The following VPS41 variants were observed in gnomAD, a reference collection of about 807,000 sequenced individuals.
The protein encoded by VPS41 is VPS41 subunit of HOPS complex.
In VPS41, 85 loss-of-function variants were observed where a neutral mutation model predicts 130.9. The observed-to-expected ratio is 0.65, with a 90% CI of 0.55 to 0.78. The LOEUF is 0.78. Ranked by LOEUF, VPS41 falls within the 30% of genes least tolerant of loss-of-function variation. The pLI is 0.00. For synonymous variants in VPS41, 335 were observed against 332.9 expected, an observed-to-expected ratio of 1.01 and a Z score of -0.07; for missense variants, 874 against 1,018.7, an observed-to-expected ratio of 0.86 and a Z score of 1.93.
intron 2 of VPS41, among the ~76,000 whole-genome samples, chr7:38,892,586 A>G (rs1224315663): frequency 6.6e-6 from 1 of 152,226 alleles, no homozygotes; most frequent in African/African-American, 2.4e-5. Flanking sequence ...TTAAAAAATA[A>G]AATTCCAGAA....
chr7:38,869,238 C>T lies in VPS41; in HGVS notation c.76G>A (p.Glu26Lys). 3 of 1,611,014 alleles carry T rather than the reference C, an allele frequency of 1.9e-6. No individual in the cohort carries two copies. Among genetic ancestry groups the T allele is most frequent in the Non-Finnish European group, 2.5e-6 (3 of 1,178,366 alleles). ...TDESEEEESE[E>K]EPKLKYERLS... ...CTTTCATACTTCAGCTTGGGTTCCT[C>T]TTCGCTCTCTTCTTCCTGCACAAAC... Residue 26 changes from glutamate to lysine, a missense_variant, in exon 3 of 29, where the codon GAG becomes AAG. Glu to Lys is a moderately conservative substitution (Grantham distance 56, BLOSUM62 1). Coordinates refer to ENST00000310301, the MANE Select transcript of VPS41 (RefSeq NM_014396.4).
At chr7:38,777,026 A>G (rs185570044) in intron 10 of VPS41, among the ~76,000 whole-genome samples, 1 of 152,356 alleles carries the variant, frequency 6.6e-6, no homozygotes, top group East Asian at 1.9e-4. Flanking sequence ...CAATAATAGC[A>G]GCATGAATGG....
intron 2 of VPS41, among the ~76,000 whole-genome samples, chr7:38,869,639 T>A (rs1786305786): frequency 6.6e-6 from 1 of 152,184 alleles, no homozygotes; most frequent in African/African-American, 2.4e-5. Flanking sequence ...TAAAAATTAT[T>A]ATAATAATGA....
At chr7:38,904,550 G>C (rs986467395) in intron 1 of VPS41, among the ~76,000 whole-genome samples, 3 of 152,154 alleles carry the variant, frequency 2.0e-5, no homozygotes, top group African/African-American at 4.8e-5. Flanking sequence ...TCCAGGTTTC[G>C]ATGATTAACC....
At chr7:38,907,080 A>G (rs951717830) in intron 1 of VPS41, among the ~76,000 whole-genome samples, 3 of 73,876 alleles carry the variant, frequency 4.1e-5, no homozygotes, top group African/African-American at 1.2e-4. Flanking sequence ...TATACAGGGA[A>G]AAAAAAAAAA....
intron 16 of VPS41, among the ~76,000 whole-genome samples, chr7:38,764,809 T>G (rs1252133148): frequency 1.3e-5 from 2 of 151,858 alleles, no homozygotes; most frequent in East Asian, 1.9e-4. Context: ...ATTATCATCA[T>G]CAGCAGTATA....
chr7:38,795,834 T>C (rs955486659), intron 8 of VPS41, among the ~76,000 whole-genome samples: 1 of 152,180 alleles, frequency 6.6e-6, no homozygotes, highest in African/African-American at 2.4e-5. Context: ...TTTTCTTAGA[T>C]GGCATGGGTG....
rs539904398 is a variant in VPS41 at position 38,873,159 on chromosome 7, C to T, written c.61-3906G>A. 4.6e-5 allele frequency among the ~76,000 whole-genome samples: 7 copies of T among 152,230 alleles called. No individual in the cohort carries two copies. The South Asian group carries it at 6.2e-4, about 14-fold the overall frequency. On this transcript the variant is annotated intron_variant, in intron 2 of 28. Coordinates refer to ENST00000310301, the MANE Select transcript of VPS41 (RefSeq NM_014396.4). Reference sequence around the variant, plus strand: ...AACACAGCTCAGTGAAGCATCCTTACGGGGTTTCAAAAACCATAAATAAAA... The same window carrying T: ...AACACAGCTCAGTGAAGCATCCTTATGGGGTTTCAAAAACCATAAATAAAA...
intron 14 of VPS41, among the ~76,000 whole-genome samples, chr7:38,769,064 A>G (rs934518476): frequency 6.6e-6 from 1 of 152,180 alleles, no homozygotes; most frequent in African/African-American, 2.4e-5. Flanking sequence ...AATAATACAC[A>G]TACAGAAAAT....
chr7:38,726,962 C>A lies in VPS41; in HGVS notation c.2431G>T (p.Val811Phe). 6.3e-7 allele frequency: 1 copy of A among 1,589,266 alleles called. No individual in the cohort carries two copies. Residue 811 changes from valine to phenylalanine, a missense_variant, in exon 28 of 29, where the codon GTC (valine) becomes TTC (phenylalanine). By Grantham distance (50) the Val-to-Phe change is conservative (BLOSUM62 -1). Coordinates refer to ENST00000310301, the MANE Select transcript of VPS41 (RefSeq NM_014396.4). ...SDAAKPFSVV[V>F]FHCRHMFHKE... ...TGGAACATGTGCCGGCAATGGAAGA[C>A]CACCACGCTGAAGGGCTTAGCTGCA...
At chr7:38,864,202 C>T (rs1041050091) in intron 3 of VPS41, among the ~76,000 whole-genome samples, 2 of 152,154 alleles carry the variant, frequency 1.3e-5, no homozygotes, top group Non-Finnish European at 2.9e-5. Flanking sequence ...ATCTTTAAAA[C>T]GCTTTAATGC....
At chr7:38,793,639 C>G (rs1178692582) in intron 9 of VPS41, among the ~76,000 whole-genome samples, 1 of 152,116 alleles carries the variant, frequency 6.6e-6, no homozygotes, top group Non-Finnish European at 1.5e-5. Flanking sequence ...TGTTACAGTT[C>G]CGCAGGCTAC....
Position 38,776,706 on chromosome 7 carries a change from C to A in VPS41, c.855G>T (p.Ser285=). 1 of 1,610,358 alleles carries A rather than the reference C, an allele frequency of 6.2e-7. No individual in the cohort carries two copies. Among genetic ancestry groups the A allele is most frequent in the South Asian group, 1.1e-5 (1 of 90,934 alleles). The change falls in exon 11 of 29, where the codon TCG becomes TCT. Residue 285 remains serine (S), a synonymous_variant. Transcript: ENST00000310301. ...APLCDQLVVL[S]YVKEISEKTE... ...TTTTTTCTGAAATCTCCTTTACATA[C>A]GAAAGTACAACAAGCTGATCACAGA...
At chr7:38,858,415 C>G (rs1174063726) in intron 4 of VPS41, among the ~76,000 whole-genome samples, 1 of 152,028 alleles carries the variant, frequency 6.6e-6, no homozygotes, top group African/African-American at 2.4e-5. Context: ...TGCCTGAATT[C>G]CAAAAAGAAG....
intron 25 of VPS41, chr7:38,741,359 C>T (rs1287828862): frequency 2.9e-6 from 1 of 349,200 alleles, no homozygotes; most frequent in East Asian, 1.2e-4. Context: ...TTGCTAGAGT[C>T]TTTTTAAGGA....
At chr7:38,787,490 T>C (rs1382027297) in intron 10 of VPS41, among the ~76,000 whole-genome samples, 1 of 152,344 alleles carries the variant, frequency 6.6e-6, no homozygotes, top group African/African-American at 2.4e-5. Context: ...TCTCTTCATG[T>C]GTTGGTGATT....
intron 2 of VPS41, among the ~76,000 whole-genome samples, chr7:38,880,914 C>T (rs78679428): frequency 5.6e-4 from 86 of 152,250 alleles, no homozygotes; most frequent in African/African-American, 2.0e-3. Flanking sequence ...ATACAGCTCC[C>T]CACAGTATTA....
At position 38,739,401 on chromosome 7, in the gene VPS41, A is replaced by G. The variant is rs932050362; in HGVS notation, c.2259+2584T>C. Among the ~76,000 whole-genome samples, 5 of 152,246 alleles carry G rather than the reference A, an allele frequency of 3.3e-5. No homozygotes were observed. In the South Asian group the frequency reaches 1.0e-3, roughly 32 times the overall value. ...TAGTTTTATAAAATACAAAATAAAAAAAGAATAAAATAAAAACATGCAAGT... is the reference window on the plus strand; with the variant it reads ...TAGTTTTATAAAATACAAAATAAAAGAAGAATAAAATAAAAACATGCAAGT... On this transcript the variant is annotated intron_variant, in intron 25 of 28. Coordinates refer to ENST00000310301, the MANE Select transcript of VPS41 (RefSeq NM_014396.4).
intron 2 of VPS41, among the ~76,000 whole-genome samples, chr7:38,875,039 A>G (rs73359619): frequency 0.017 from 2,521 of 152,244 alleles, 67 homozygotes; most frequent in African/African-American, 0.056. Context: ...GAAAGATAAA[A>G]CACAGTTGGT....
Sources: gnomAD v4.1 joint callset for allele counts (sites outside exome capture counted in the v4.1 genomes callset) on GRCh38, gnomAD v4.1.1 for gene constraint, MANE v1.5 for transcripts, NCBI Gene and HGNC (gene_info 2026-07-23, HGNC 2026-07-21) for gene names.